TFAP2B: variants seen among roughly 807,000 people sequenced by gnomAD.
TFAP2B encodes the protein transcription factor AP-2-beta.
Under a neutral mutation model 44.3 loss-of-function variants are expected in TFAP2B, and 9 were observed. That is an observed-to-expected ratio of 0.20 (90% CI 0.12 to 0.35). TFAP2B has a LOEUF of 0.35. Among genes scored for constraint, TFAP2B ranks in the 10% least tolerant of loss-of-function variants. The pLI is 1.00. For synonymous variants in TFAP2B, 270 were observed against 263.8 expected (o/e 1.02, Z -0.23); for missense variants, 509 against 600.0 (o/e 0.85, Z 1.59).
intron 5 of TFAP2B, among the ~76,000 whole-genome samples, chr6:50,839,945 G>A (rs1762693301): frequency 6.6e-6 from 1 of 152,056 alleles, no homozygotes; most frequent in Non-Finnish European, 1.5e-5. Context: ...CTCAGGGAGA[G>A]GCAGGAAAAA....
rs571647735 is a variant in TFAP2B at position 50,846,588 on chromosome 6, A to AAAG, written c.*3196_*3197insAAG. The stretch of plus-strand genomic sequence containing the variant: ...TGGCAGTGCTGCCTTCACACTTTCC[A>AAAG]CTTCGCAAGTTCTTTTAAAGGTTCC... On this transcript the variant is annotated 3_prime_UTR_variant, in exon 7 of 7. Transcript: ENST00000393655. 1.8e-3 allele frequency: 280 copies of AAAG among 152,264 alleles called. 2 individuals are homozygous for AAAG. The highest frequency in any genetic ancestry group is 5.8e-3 in the African/African-American group (242 of 41,520). The allele number at this position is 152,264 out of a possible 1,614,324, so 9.4% of individuals were successfully genotyped here.
chr6:50,840,211 C>T lies in TFAP2B; in HGVS notation c.996C>T (p.Pro332=), dbSNP rs752424083. The change falls in exon 6 of 7, where the codon CCC becomes CCT. Residue 332 remains proline (P), a synonymous_variant. Coordinates refer to ENST00000393655, the MANE Select transcript of TFAP2B (RefSeq NM_003221.4). The stretch of plus-strand genomic sequence containing the variant: ...GGTACATTTGCGAAACGGAGTTTCC[C>T]GCCAAAGCCGTCTCTGAGTATTTGA... The part of the protein sequence containing the change: ...DFGYICETEF[P]AKAVSEYLNR... The T allele has an allele frequency of 5.0e-6, 8 of 1,613,950 alleles. No homozygotes were observed. The highest frequency in any genetic ancestry group is 4.4e-5 in the South Asian group (4 of 91,076).
chr6:50,834,374 A>G (rs1762578596), intron 3 of TFAP2B, among the ~76,000 whole-genome samples: 1 of 152,234 alleles, frequency 6.6e-6, no homozygotes, highest in South Asian at 2.1e-4. Flanking sequence ...TCCATCTGGG[A>G]CAAGGTCTTG....
intron 1 of TFAP2B, 111 bp from the exon 2 acceptor site, chr6:50,823,296 G>C (rs1275247090): frequency 1.0e-6 from 1 of 969,976 alleles, no homozygotes; most frequent in Non-Finnish European, 1.6e-6. Flanking sequence ...TTCTCCATTT[G>C]TCACTTGTAT....
rs1436438173 is a variant in TFAP2B at position 50,844,399 on chromosome 6, C to T, written c.*1007C>T. 7 of 152,316 alleles carry T rather than the reference C, an allele frequency of 4.6e-5. No homozygotes were observed. Among genetic ancestry groups the T allele is most frequent in the African/African-American group, 1.7e-4 (7 of 41,336 alleles). 9.4% of individuals were successfully genotyped at this position (152,316 alleles called of 1,614,324 possible). A position where few individuals can be genotyped will look rare whatever the true frequency, so the allele number is the denominator to read the frequency against. ...CTCTTCTGTTTTCCAAAGCTTTGCC[C>T]GCATGGTTTATGAGCTTCTTCAAAG... On this transcript the variant is annotated 3_prime_UTR_variant, in exon 7 of 7. Coordinates refer to ENST00000393655, the MANE Select transcript of TFAP2B (RefSeq NM_003221.4).
chr6:50,832,310 A>G (rs865787961), intron 3 of TFAP2B, among the ~76,000 whole-genome samples: 9 of 152,194 alleles, frequency 5.9e-5, no homozygotes, highest in African/African-American at 2.2e-4. Flanking sequence ...TCAAGGTCCT[A>G]TACACCATGT....
At position 50,823,730 on chromosome 6, in the gene TFAP2B, T is replaced by C. The variant is rs1770424618; in HGVS notation, c.405T>C (p.Leu135=). 1 of 1,611,776 alleles carries C rather than the reference T, an allele frequency of 6.2e-7. No individual in the cohort carries two copies. Among genetic ancestry groups the C allele is most frequent in the Admixed American group, 1.7e-5 (1 of 59,756 alleles). Residue 135 remains leucine (L), a synonymous_variant, in exon 2 of 7, where the codon CTT becomes CTC. Coordinates refer to ENST00000393655, the MANE Select transcript of TFAP2B (RefSeq NM_003221.4). ...PRAALPQLSG[L]DPRRDYHSVR... ...CCGCCTTGCCCCAGCTCTCGGGCCT[T>C]GACCCCCGGAGGGACTACCACTCGG... is the stretch of plus-strand genomic sequence containing the variant.
chr6:50,828,701 A>G, intron 3 of TFAP2B, 22 bp downstream of exon 3: 2 of 1,613,566 alleles, frequency 1.2e-6, no homozygotes, highest in East Asian at 2.2e-5. Context: ...TCCCCCCAAA[A>G]AGTAAGCAAA....
intron 1 of TFAP2B, among the ~76,000 whole-genome samples, chr6:50,820,617 T>C (rs1297704207): frequency 6.6e-6 from 1 of 152,264 alleles, no homozygotes; most frequent in African/African-American, 2.4e-5. Context: ...GTGGGGATTG[T>C]TTCGGTTCGG....
chr6:50,838,753 T>C (rs1762670903), intron 5 of TFAP2B, among the ~76,000 whole-genome samples: 2 of 151,806 alleles, frequency 1.3e-5, no homozygotes, highest in Admixed American at 1.3e-4. Context: ...ATGATATTTA[T>C]GGTATGTAAT....
At chr6:50,834,764 G>A (rs964876155) in intron 3 of TFAP2B, among the ~76,000 whole-genome samples, 6 of 152,186 alleles carry the variant, frequency 3.9e-5, no homozygotes, top group Admixed American at 3.9e-4. Context: ...TATCAAATAG[G>A]TAGGGTTGGA....
chr6:50,820,939 G>C (rs1363689587), intron 1 of TFAP2B, among the ~76,000 whole-genome samples: 2 of 151,256 alleles, frequency 1.3e-5, no homozygotes, highest in Non-Finnish European at 2.9e-5. Flanking sequence ...AGAGGGGAGG[G>C]AGAGAGAGAA....
chr6:50,822,354 C>T (rs1360779157), intron 1 of TFAP2B, among the ~76,000 whole-genome samples: 1 of 152,120 alleles, frequency 6.6e-6, no homozygotes, highest in Non-Finnish European at 1.5e-5. Flanking sequence ...TGTGTGTTCT[C>T]CGTCTGAGCT....
At position 50,823,525 on chromosome 6, in the gene TFAP2B, C is replaced by T. The variant is rs1770414651; in HGVS notation, c.200C>T (p.Pro67Leu). The change falls in exon 2 of 7, where the codon CCG becomes CTG. Residue 67 changes from proline to leucine, a missense_variant. By Grantham distance (98) the Pro-to-Leu change is moderately conservative. This residue lies in a region of TFAP2B where 296 missense variants were observed against 308.2 expected (regional missense o/e 0.96). Transcript: ENST00000393655. ...CACACCCCGTCGTCGGACTTCCAGC[C>T]GCCCTACTTCCCACCCCCCTACCAG... ...LSHTPSSDFQPPYFPPPYQPL... is the reference protein window; with the variant it reads ...LSHTPSSDFQLPYFPPPYQPL... 1 of 1,613,864 alleles carries T rather than the reference C, an allele frequency of 6.2e-7. No homozygotes were observed. Among genetic ancestry groups the T allele is most frequent in the Non-Finnish European group, 8.5e-7 (1 of 1,179,936 alleles).
intron 6 of TFAP2B, among the ~76,000 whole-genome samples, chr6:50,842,270 A>G (rs940311682): frequency 2.0e-5 from 3 of 152,216 alleles, no homozygotes; most frequent in African/African-American, 7.2e-5. Context: ...TTTCTCAAAT[A>G]AGCTCAATCC....
intron 2 of TFAP2B, among the ~76,000 whole-genome samples, chr6:50,824,622 C>T (rs1770453254): frequency 1.3e-5 from 2 of 152,152 alleles, no homozygotes; most frequent in South Asian, 4.1e-4. Flanking sequence ...CTCTCCTGGC[C>T]TCCGCCTATA....
intron 3 of TFAP2B, among the ~76,000 whole-genome samples, chr6:50,834,539 A>G (rs4083427): frequency 3.5e-3 from 539 of 152,336 alleles, no homozygotes; most frequent in African/African-American, 0.012. Flanking sequence ...AAGATTTGGG[A>G]GCAACCTGGC....
At position 50,823,550 on chromosome 6, in the gene TFAP2B, G is replaced by T. The variant is rs770342388; in HGVS notation, c.225G>T (p.Gln75His). Residue 75 changes from glutamine to histidine, a missense_variant, in exon 2 of 7, where the codon CAG becomes CAT. By Grantham distance (24) the Gln-to-His change is conservative. Around this residue, in one of 3 missense-constraint regions of TFAP2B, gnomAD observed 296 missense variants for 308.2 expected, o/e 0.96. Coordinates refer to ENST00000393655, the MANE Select transcript of TFAP2B (RefSeq NM_003221.4). ...CGCCCTACTTCCCACCCCCCTACCA[G>T]CCGCTCCCCTACCACCAGAGCCAGG... ...FQPPYFPPPY[Q>H]PLPYHQSQDP... 6.2e-7 allele frequency: 1 copy of T among 1,613,056 alleles called. No homozygotes were observed. The highest frequency in any genetic ancestry group is 1.1e-5 in the South Asian group (1 of 91,028).
intron 3 of TFAP2B, among the ~76,000 whole-genome samples, chr6:50,833,860 T>C (rs892594916): frequency 1.3e-5 from 2 of 152,192 alleles, no homozygotes; most frequent in Admixed American, 6.5e-5. Context: ...TTTAGTACTT[T>C]CAGCTTAGTG....
Sources: allele counts gnomAD v4.1 joint callset (sites outside exome capture counted in the v4.1 genomes callset), GRCh38; gene constraint gnomAD v4.1.1; regional missense constraint gnomAD v4.1.1; transcripts MANE v1.5; gene names NCBI Gene and HGNC (gene_info 2026-07-23, HGNC 2026-07-21).